Variants in LAMA2 observed in about 807,000 individuals in gnomAD.
The protein encoded by LAMA2 is laminin subunit alpha 2.
Under a neutral mutation model 364.8 loss-of-function variants are expected in LAMA2, and 269 were observed. The ratio of observed to expected loss-of-function variants is 0.74; its 90% CI spans 0.67 to 0.82. The LOEUF (loss-of-function observed/expected upper bound fraction) is 0.82, where lower values mean the gene tolerates loss of function less well. Among genes scored for constraint, LAMA2 ranks in the 40% least tolerant of loss-of-function variants. LAMA2 has a pLI of 0.00. For missense variants in LAMA2, 3,807 were observed against 3,873.2 expected (o/e 0.98, Z 0.45); for synonymous variants, 1,379 against 1,370.6 (o/e 1.01, Z -0.14).
intron 31 of LAMA2, among the ~76,000 whole-genome samples, chr6:129,352,034 C>G (rs1776879514): frequency 6.6e-6 from 1 of 152,174 alleles, no homozygotes; most frequent in Non-Finnish European, 1.5e-5. Context: ...GCTTTTGGCT[C>G]CAATCCCCTA....
At chr6:129,333,921 A>G (rs1371755040) in intron 29 of LAMA2, among the ~76,000 whole-genome samples, 1 of 152,192 alleles carries the variant, frequency 6.6e-6, no homozygotes, top group Non-Finnish European at 1.5e-5. Context: ...AAGAATTCTA[A>G]AAGCATGTCT....
At chr6:129,356,566 G>A (rs1009106638) in intron 32 of LAMA2, among the ~76,000 whole-genome samples, 3 of 151,970 alleles carry the variant, frequency 2.0e-5, no homozygotes, top group East Asian at 1.9e-4. Flanking sequence ...CAGTAGATCC[G>A]TGATTTGAGC....
At chr6:129,131,938 C>T (rs961219276) in intron 4 of LAMA2, among the ~76,000 whole-genome samples, 1 of 152,136 alleles carries the variant, frequency 6.6e-6, no homozygotes, top group African/African-American at 2.4e-5. Context: ...ATCCCTTCTC[C>T]ATCACGTTCT....
intron 34 of LAMA2, among the ~76,000 whole-genome samples, chr6:129,370,671 G>C (rs1045473127): frequency 4.6e-5 from 7 of 152,202 alleles, no homozygotes; most frequent in Non-Finnish European, 1.0e-4. Context: ...TTATCTAAGA[G>C]CTTTAAATGA....
At chr6:128,897,616 A>T (rs1463895418) in intron 1 of LAMA2, among the ~76,000 whole-genome samples, 1 of 152,222 alleles carries the variant, frequency 6.6e-6, no homozygotes, top group East Asian at 1.9e-4. Flanking sequence ...TATCCCCAAA[A>T]CCGCAGTTGG....
intron 17 of LAMA2, among the ~76,000 whole-genome samples, chr6:129,277,423 C>T (rs1369216882): frequency 6.6e-6 from 1 of 152,114 alleles, no homozygotes; most frequent in Non-Finnish European, 1.5e-5. Context: ...ACTGCAATTA[C>T]AGCAATAAGA....
Position 129,514,393 on chromosome 6 carries a change from T to A in LAMA2, c.9009T>A (p.Asn3003Lys). Residue 3003 changes from asparagine (N) to lysine (K), a missense_variant, in exon 64 of 65, where the codon AAT becomes AAA. Coordinates refer to ENST00000421865, the MANE Select transcript of LAMA2 (RefSeq NM_000426.4). The stretch of plus-strand genomic sequence containing the variant: ...TCCAGTTGATGTTTCATGTGGACAA[T>A]GGTGCGGGCAGATTCACTGCTGTCT... ...IDEKLMFHVD[N>K]GAGRFTAVYD... 6.2e-7 allele frequency: 1 copy of A among 1,613,694 alleles called. No individual in the cohort carries two copies. The highest frequency in any genetic ancestry group is 1.3e-5 in the African/African-American group (1 of 75,030).
Position 129,050,013 on chromosome 6 carries a change from G to A in LAMA2, c.208G>A (p.Val70Ile), listed in dbSNP as rs1787880910. 1 of 1,614,076 alleles carries A rather than the reference G, an allele frequency of 6.2e-7. No homozygotes were observed. The highest frequency in any genetic ancestry group is 2.2e-5 in the East Asian group (1 of 44,866). ...AGGACCTGAAATGTACTGCAAATTG[G>A]TAGAACATGTCCCTGGGCAGCCTGT... is the stretch of plus-strand genomic sequence containing the variant. ...EKGPEMYCKLVEHVPGQPVRN... is the reference protein window; with the variant it reads ...EKGPEMYCKLIEHVPGQPVRN... Residue 70 changes from valine (V) to isoleucine (I), a missense_variant, in exon 2 of 65, where the codon GTA becomes ATA. Around this residue, in one of 3 missense-constraint regions of LAMA2, gnomAD observed 394 missense variants for 403.5 expected, o/e 0.98. Coordinates refer to ENST00000421865, the MANE Select transcript of LAMA2 (RefSeq NM_000426.4).
At chr6:129,245,791 CAAAG>C (rs1486410060) in intron 12 of LAMA2, among the ~76,000 whole-genome samples, 10 of 152,146 alleles carry the variant, frequency 6.6e-5, no homozygotes, top group Non-Finnish European at 1.3e-4. Flanking sequence ...GCTAAACAAA[CAAAG>C]AAAATAAGTG....
chr6:129,077,351 G>A (rs1443938819), intron 3 of LAMA2, among the ~76,000 whole-genome samples: 1 of 152,046 alleles, frequency 6.6e-6, no homozygotes, highest in African/African-American at 2.4e-5. Flanking sequence ...TTTTCCCACT[G>A]ATTTTAGAAT....
intron 12 of LAMA2, among the ~76,000 whole-genome samples, chr6:129,198,780 CCTT>C (rs1239308712): frequency 3.4e-4 from 52 of 151,838 alleles, no homozygotes; most frequent in Non-Finnish European, 5.6e-4. Context: ...AAAGGAATAT[CCTT>C]CTAGGAAAAT....
rs1048093661 is a variant in LAMA2 at position 128,884,901 on chromosome 6, A to T, written c.112+1544A>T. Among the ~76,000 whole-genome samples, 21 of 152,220 alleles carry T rather than the reference A, an allele frequency of 1.4e-4. 1 individual carries two copies. Among genetic ancestry groups the T allele is most frequent in the African/African-American group, 4.8e-4 (20 of 41,454 alleles). On this transcript the variant is annotated intron_variant, in intron 1 of 64. Transcript: ENST00000421865. ...GGCAGAAACTCAAAGCATGCAGAGT[A>T]AGGATCAAGTAAATTGTTGCTAAGA...
intron 4 of LAMA2, among the ~76,000 whole-genome samples, chr6:129,118,229 A>G (rs1251887109): frequency 1.3e-5 from 2 of 152,224 alleles, no homozygotes; most frequent in Non-Finnish European, 2.9e-5. Context: ...TGCTCATCTT[A>G]CAGAGGTGAT....
intron 34 of LAMA2, among the ~76,000 whole-genome samples, chr6:129,371,969 T>G (rs925331949): frequency 3.9e-5 from 6 of 152,214 alleles, no homozygotes; most frequent in African/African-American, 1.4e-4. Flanking sequence ...CTCTTTACCC[T>G]TTCCAGCAGA....
chr6:129,492,556 A>G, intron 58 of LAMA2, 73 bp downstream of exon 58: 1 of 1,334,666 alleles, frequency 7.5e-7, no homozygotes, highest in Non-Finnish European at 1.1e-6. Context: ...AAGGAAGATT[A>G]TTCAGGATAT....
At chr6:129,251,115 A>G (rs1481946617) in intron 13 of LAMA2, among the ~76,000 whole-genome samples, 1 of 134,330 alleles carries the variant, frequency 7.4e-6, no homozygotes, top group Non-Finnish European at 1.5e-5. Context: ...TGGCAACTAG[A>G]TGTATACTTT....
chr6:128,891,734 T>C (rs990120156), intron 1 of LAMA2, among the ~76,000 whole-genome samples: 1 of 152,096 alleles, frequency 6.6e-6, no homozygotes, highest in Admixed American at 6.5e-5. Context: ...AATTTGCTTA[T>C]ATACTTAAAC....
At chr6:129,275,688 G>C (rs543917647) in intron 17 of LAMA2, among the ~76,000 whole-genome samples, 4 of 145,696 alleles carry the variant, frequency 2.7e-5, no homozygotes, top group Non-Finnish European at 4.5e-5. Context: ...TACCTTTCAC[G>C]TTAAATCAAC....
intron 37 of LAMA2, among the ~76,000 whole-genome samples, chr6:129,396,963 G>T (rs1482777847): frequency 7.4e-5 from 1 of 13,598 alleles, no homozygotes; most frequent in Non-Finnish European, 2.1e-4. Flanking sequence ...ATGACAGTGA[G>T]ACAATGAGAC....
Sources: allele counts gnomAD v4.1 joint callset (sites outside exome capture counted in the v4.1 genomes callset), GRCh38; gene constraint gnomAD v4.1.1; regional missense constraint gnomAD v4.1.1; transcripts MANE v1.5; gene names NCBI Gene and HGNC (gene_info 2026-07-23, HGNC 2026-07-21).